The following ADGRL3 variants were observed in gnomAD, a reference collection of about 807,000 sequenced individuals.
ADGRL3 encodes adhesion G protein-coupled receptor L3.
ADGRL3 carries 62 observed loss-of-function variants against 153.5 expected under a neutral mutation model. That is an observed-to-expected ratio of 0.40 (90% CI 0.33 to 0.50). The LOEUF is 0.50. Ranked by LOEUF, ADGRL3 falls within the 20% of genes least tolerant of loss-of-function variation. The probability of loss-of-function intolerance (pLI) is 0.47; values close to 1 mark genes in which losing one functional copy is unlikely to be tolerated. For missense variants in ADGRL3, 1,641 were observed against 1,859.4 expected (o/e 0.88, Z 2.16); for synonymous variants, 710 against 672.5 (o/e 1.06, Z -0.86).
intron 6 of ADGRL3, among the ~76,000 whole-genome samples, chr4:61,709,683 A>G (rs542995182): frequency 6.6e-6 from 1 of 152,340 alleles, no homozygotes; most frequent in South Asian, 2.1e-4. Flanking sequence ...CAACCTTGCC[A>G]ATAACTGTGC....
intron 1 of ADGRL3, among the ~76,000 whole-genome samples, chr4:61,208,201 C>T (rs1010400392): frequency 6.6e-6 from 1 of 151,966 alleles, no homozygotes; most frequent in African/African-American, 2.4e-5. Context: ...TCTAGAAAGG[C>T]AGAGTGGTGT....
chr4:61,703,368 T>C (rs2095801654), intron 6 of ADGRL3, among the ~76,000 whole-genome samples: 1 of 152,118 alleles, frequency 6.6e-6, no homozygotes, highest in Non-Finnish European at 1.5e-5. Context: ...GTGAAAGTGC[T>C]TTTGAGAACA....
intron 1 of ADGRL3, among the ~76,000 whole-genome samples, chr4:61,346,742 C>T (rs1303998905): frequency 1.4e-5 from 2 of 140,792 alleles, no homozygotes; most frequent in Non-Finnish European, 3.0e-5. Context: ...GTGATTGTGT[C>T]ACTGGACTCC....
At chr4:61,609,146 C>A (rs2149653020) in intron 5 of ADGRL3, among the ~76,000 whole-genome samples, 1 of 152,048 alleles carries the variant, frequency 6.6e-6, no homozygotes, top group Admixed American at 6.6e-5. Flanking sequence ...AAATCATTGC[C>A]AACAATATTT....
chr4:62,022,479 A>T (rs1438543896), intron 21 of ADGRL3, among the ~76,000 whole-genome samples: 1 of 152,186 alleles, frequency 6.6e-6, no homozygotes, highest in Non-Finnish European at 1.5e-5. Flanking sequence ...CAGATTTTCC[A>T]TGTAGACAAA....
At chr4:61,455,069 A>G (rs1004682964) in intron 2 of ADGRL3, among the ~76,000 whole-genome samples, 2 of 152,166 alleles carry the variant, frequency 1.3e-5, no homozygotes, top group African/African-American at 2.4e-5. Context: ...TACTCGAACT[A>G]AGTTCTTAGT....
At chr4:61,628,067 G>A (rs1424806258) in intron 5 of ADGRL3, among the ~76,000 whole-genome samples, 1 of 152,018 alleles carries the variant, frequency 6.6e-6, no homozygotes, top group Non-Finnish European at 1.5e-5. Context: ...TAATGATAAT[G>A]GTAATAGTAA....
intron 5 of ADGRL3, among the ~76,000 whole-genome samples, chr4:61,598,417 A>T (rs1395104208): frequency 6.6e-6 from 1 of 152,216 alleles, no homozygotes; most frequent in East Asian, 1.9e-4. Context: ...ATATCTATAC[A>T]TATGTCATAG....
intron 1 of ADGRL3, among the ~76,000 whole-genome samples, chr4:61,355,802 C>G (rs2151401555): frequency 1.3e-5 from 2 of 152,070 alleles, no homozygotes; most frequent in East Asian, 3.9e-4. Context: ...GGCAGTTTTT[C>G]AATAAGTGTT....
chr4:62,020,134 T>C lies in ADGRL3; in HGVS notation c.3396-8721T>C, dbSNP rs749316928. On this transcript the variant is annotated intron_variant, in intron 21 of 26. Transcript: ENST00000683033. ...TATAATCTGTTGTTTATTCAATGAA[T>C]GTTTCTGTTGGAAGTTGGTGAAAAG... Among the ~76,000 whole-genome samples, 35 of 152,252 alleles carry C rather than the reference T, an allele frequency of 2.3e-4. No homozygotes were observed. The Middle Eastern group carries it at 0.014, about 59-fold the overall frequency.
chr4:61,730,052 G>C (rs2096413128), intron 6 of ADGRL3, among the ~76,000 whole-genome samples: 1 of 151,876 alleles, frequency 6.6e-6, no homozygotes, highest in Non-Finnish European at 1.5e-5. Flanking sequence ...AATTTATTTA[G>C]GGTAAGATCA....
At chr4:61,483,496 G>GAT (rs1417282585) in intron 2 of ADGRL3, among the ~76,000 whole-genome samples, 1 of 152,130 alleles carries the variant, frequency 6.6e-6, no homozygotes, top group Non-Finnish European at 1.5e-5. Flanking sequence ...CCAGCATTTT[G>GAT]GGAGGCTGAG....
rs555787052 is a variant in ADGRL3, at chr4:61,530,896, A to G, written c.259+13378A>G. On this transcript the variant is annotated intron_variant, in intron 4 of 26. Coordinates refer to ENST00000683033, the MANE Select transcript of ADGRL3 (RefSeq NM_001387552.1). ...TAGAGAACTTATCACATTCTCTTTA[A>G]TTATGGTTATGTGTATGTTTCTTCC... Among the ~76,000 whole-genome samples the G allele has an allele frequency of 3.4e-4, 52 of 152,260 alleles. No homozygotes were observed. In the South Asian group the frequency reaches 0.011, roughly 31 times the overall value.
chr4:61,546,505 T>G (rs1413858476), intron 4 of ADGRL3, among the ~76,000 whole-genome samples: 3 of 152,204 alleles, frequency 2.0e-5, no homozygotes, highest in Admixed American at 2.0e-4. Flanking sequence ...TTACTATATT[T>G]TACTATTCTC....
Position 61,537,302 on chromosome 4 carries a change from C to A in ADGRL3, c.259+19784C>A, listed in dbSNP as rs142314802. Among the ~76,000 whole-genome samples, 118 of 151,826 alleles carry A rather than the reference C, an allele frequency of 7.8e-4. 1 individual carries two copies. Among genetic ancestry groups the A allele is most frequent in the East Asian group, 6.8e-3 (35 of 5,148 alleles). ...ATAAGTGATTTACCCTTTTCTCTAT[C>A]TGCCTTTAAGATTTTTTTCTTCAGC... is the stretch of plus-strand genomic sequence containing the variant. On this transcript the variant is annotated intron_variant, in intron 4 of 26. Transcript: ENST00000683033.
chr4:61,272,073 A>G (rs927005396), intron 1 of ADGRL3, among the ~76,000 whole-genome samples: 5 of 151,968 alleles, frequency 3.3e-5, no homozygotes, highest in African/African-American at 1.2e-4. Context: ...AGTCAGTTCC[A>G]TGTAATTTGG....
intron 19 of ADGRL3, among the ~76,000 whole-genome samples, chr4:61,991,378 A>T (rs1385394618): frequency 6.6e-6 from 1 of 152,066 alleles, no homozygotes; most frequent in Non-Finnish European, 1.5e-5. Flanking sequence ...GACCATGGCA[A>T]TCACTCAACA....
At chr4:61,296,386 A>G (rs2150256907) in intron 1 of ADGRL3, among the ~76,000 whole-genome samples, 1 of 152,218 alleles carries the variant, frequency 6.6e-6, no homozygotes, top group African/African-American at 2.4e-5. Flanking sequence ...AGACAAATTT[A>G]TTGCCCTTTC....
At chr4:61,553,426 T>A (rs2098749516) in intron 4 of ADGRL3, among the ~76,000 whole-genome samples, 1 of 152,186 alleles carries the variant, frequency 6.6e-6, no homozygotes, top group South Asian at 2.1e-4. Flanking sequence ...TTGAGTTCGA[T>A]AAAATAATAC....
Sources: allele counts gnomAD v4.1 joint callset (sites outside exome capture counted in the v4.1 genomes callset), GRCh38; gene constraint gnomAD v4.1.1; transcripts MANE v1.5; gene names NCBI Gene and HGNC (gene_info 2026-07-23, HGNC 2026-07-21).